Variants in CDH13 observed in about 807,000 individuals in gnomAD.
The protein encoded by CDH13 is cadherin 13.
A neutral mutation model predicts 63.8 loss-of-function variants in CDH13; 24 were observed. The observed-to-expected ratio is 0.38, with a 90% CI of 0.27 to 0.53. CDH13 has a LOEUF of 0.53. CDH13 is among the 20% of genes least tolerant of loss of function. CDH13 has a pLI of 0.85. For synonymous variants in CDH13, 503 were observed against 355.3 expected, an observed-to-expected ratio of 1.42 and a Z score of -4.67; for missense variants, 1,049 against 903.1, an observed-to-expected ratio of 1.16 and a Z score of -2.07.
At chr16:83,030,858 G>A (rs1916243490) in intron 2 of CDH13, among the ~76,000 whole-genome samples, 1 of 151,648 alleles carries the variant, frequency 6.6e-6, no homozygotes, top group Non-Finnish European at 1.5e-5. Flanking sequence ...TTCCCTTCTA[G>A]ATCCCCACCA....
chr16:83,722,529 G>T (rs1909831723), intron 10 of CDH13, among the ~76,000 whole-genome samples: 1 of 152,180 alleles, frequency 6.6e-6, no homozygotes, highest in Admixed American at 6.5e-5. Flanking sequence ...ATTAATTCAA[G>T]CTTTCCCCAC....
At chr16:82,786,356 C>T (rs937735922) in intron 1 of CDH13, among the ~76,000 whole-genome samples, 22 of 150,596 alleles carry the variant, frequency 1.5e-4, no homozygotes, top group African/African-American at 4.6e-4. Flanking sequence ...CCAATGAAAA[C>T]GTGTAAAATC....
At chr16:82,930,770 C>T (rs1423846365) in intron 2 of CDH13, among the ~76,000 whole-genome samples, 3 of 152,166 alleles carry the variant, frequency 2.0e-5, no homozygotes, top group South Asian at 4.1e-4. Flanking sequence ...TATCAGTACT[C>T]CAGTTCACCC....
intron 11 of CDH13, among the ~76,000 whole-genome samples, chr16:83,753,951 C>CT (rs1555525090): frequency 2.0e-5 from 3 of 150,766 alleles, no homozygotes; most frequent in South Asian, 2.1e-4. Context: ...AAAAGAAAAC[C>CT]TTTTTTTTTC....
chr16:83,595,643 G>C (rs557267261), intron 7 of CDH13, among the ~76,000 whole-genome samples: 10 of 152,306 alleles, frequency 6.6e-5, no homozygotes, highest in African/African-American at 2.4e-4. Flanking sequence ...GAAATAGAAA[G>C]TGTGAGAGGT....
At chr16:82,672,768 T>TACACACACAC (rs58819198) in intron 1 of CDH13, among the ~76,000 whole-genome samples, 31 of 144,674 alleles carry the variant, frequency 2.1e-4, no homozygotes, top group South Asian at 1.1e-3. Context: ...TATATATGTG[T>TACACACACAC]ACACACACAC....
At chr16:82,671,516 A>G (rs892186739) in intron 1 of CDH13, among the ~76,000 whole-genome samples, 1 of 152,250 alleles carries the variant, frequency 6.6e-6, no homozygotes, top group Non-Finnish European at 1.5e-5. Flanking sequence ...GATTACACCT[A>G]TACCTTCAAT....
intron 5 of CDH13, among the ~76,000 whole-genome samples, chr16:83,243,124 C>G (rs1904633005): frequency 6.6e-6 from 1 of 152,172 alleles, no homozygotes; most frequent in Admixed American, 6.5e-5. Context: ...AGGCTATTAA[C>G]CACCATACCG....
intron 1 of CDH13, among the ~76,000 whole-genome samples, chr16:82,807,831 G>A (rs1235081230): frequency 3.9e-5 from 6 of 152,246 alleles, no homozygotes; most frequent in South Asian, 2.1e-4. Flanking sequence ...AATAATTACT[G>A]GGGACTTTTA....
chr16:83,783,419 C>A lies in CDH13; in HGVS notation c.2081C>A (p.Ala694Asp), dbSNP rs1343939408. 1.2e-6 allele frequency: 2 copies of A among 1,614,000 alleles called. No individual in the cohort carries two copies. The highest frequency in any genetic ancestry group is 1.7e-6 in the Non-Finnish European group (2 of 1,179,880). The change falls in exon 13 of 14, where the codon GCC becomes GAC. Residue 694 changes from alanine (A) to aspartate (D), a missense_variant. Physicochemically the swap from Ala to Asp is moderately radical, Grantham distance 126. Coordinates refer to ENST00000567109, the MANE Select transcript of CDH13 (RefSeq NM_001257.5). ...NSKVDCNAAG[A>D]LRFSLPSVLL... Reference sequence around the variant, plus strand: ...AAAGTGGACTGCAACGCGGCAGGGGCCCTGCGCTTCAGCCTGCCCTCAGTC... The same window carrying A: ...AAAGTGGACTGCAACGCGGCAGGGGACCTGCGCTTCAGCCTGCCCTCAGTC...
intron 1 of CDH13, among the ~76,000 whole-genome samples, chr16:82,779,450 G>A (rs2035649673): frequency 6.6e-6 from 1 of 152,294 alleles, no homozygotes; most frequent in African/African-American, 2.4e-5. Context: ...ATGTCCTGTA[G>A]AAAACATTCT....
At chr16:83,044,211 G>A (rs1377344493) in intron 3 of CDH13, among the ~76,000 whole-genome samples, 1 of 152,180 alleles carries the variant, frequency 6.6e-6, no homozygotes, top group African/African-American at 2.4e-5. Context: ...AACTTAACCA[G>A]TGCCATCATC....
chr16:82,945,581 T>G (rs1028814617), intron 2 of CDH13, among the ~76,000 whole-genome samples: 2 of 151,892 alleles, frequency 1.3e-5, no homozygotes, highest in Admixed American at 6.6e-5. Context: ...GGATTTTGTG[T>G]TTTTTTTCTT....
rs2032529829 is a variant in CDH13 at position 82,718,353 on chromosome 16, G to T, written c.45+91216G>T. ...AGTAAGCAGCCTCTGTAGGGCACAG[G>T]TGAGTGATGATGGGATTCACCGCTG... On this transcript the variant is annotated intron_variant, in intron 1 of 13. Transcript: ENST00000567109. Among the ~76,000 whole-genome samples the T allele has an allele frequency of 2.6e-5, 4 of 152,160 alleles. No homozygotes were observed. In the South Asian group the frequency reaches 8.3e-4, roughly 31 times the overall value.
At chr16:82,951,501 C>T (rs891666818) in intron 2 of CDH13, among the ~76,000 whole-genome samples, 32 of 152,176 alleles carry the variant, frequency 2.1e-4, no homozygotes, top group Non-Finnish European at 2.9e-4. Context: ...TCGTTGGGTA[C>T]GCTGGCTTCA....
Position 82,896,276 on chromosome 16 carries a change from A to ATTTTTTTTT in CDH13, c.157+37828_157+37836dup, listed in dbSNP as rs59677448. Among the ~76,000 whole-genome samples, 594 of 87,778 alleles carry ATTTTTTTTT rather than the reference A, an allele frequency of 6.8e-3. 65 individuals are homozygous for ATTTTTTTTT. Among genetic ancestry groups the ATTTTTTTTT allele is most frequent in the East Asian group, 9.1e-3 (13 of 1,432 alleles). The allele number at this position is 87,778 out of a possible 152,430, so 57.6% of individuals were successfully genotyped here. The stretch of plus-strand genomic sequence containing the variant: ...GAGTCTTCTGAGAACTAGGATTAGG[A>ATTTTTTTTT]TTTTTTTTTTTTTTTTTTTTTTTTT... On this transcript the variant is annotated intron_variant, in intron 2 of 13. Coordinates refer to ENST00000567109, the MANE Select transcript of CDH13 (RefSeq NM_001257.5).
At chr16:83,220,841 A>T (rs1305702526) in intron 5 of CDH13, among the ~76,000 whole-genome samples, 1 of 152,220 alleles carries the variant, frequency 6.6e-6, no homozygotes, top group Non-Finnish European at 1.5e-5. Flanking sequence ...GATTTGTATG[A>T]TAAGAAATAA....
At chr16:83,769,256 G>C (rs1914604273) in intron 11 of CDH13, among the ~76,000 whole-genome samples, 1 of 152,314 alleles carries the variant, frequency 6.6e-6, no homozygotes, top group Admixed American at 6.5e-5. Flanking sequence ...AACATCTTAA[G>C]TGTCTATAGG....
intron 1 of CDH13, among the ~76,000 whole-genome samples, chr16:82,717,535 G>T (rs979244443): frequency 6.6e-6 from 1 of 151,800 alleles, no homozygotes; most frequent in African/African-American, 2.4e-5. Flanking sequence ...CAAGTTGTTG[G>T]CTAGAGGAGA....
Sources: allele counts gnomAD v4.1 joint callset (sites outside exome capture counted in the v4.1 genomes callset), GRCh38; gene constraint gnomAD v4.1.1; transcripts MANE v1.5; gene names NCBI Gene and HGNC (gene_info 2026-07-23, HGNC 2026-07-21).